PHF21B: variants seen among roughly 807,000 people sequenced by gnomAD.
PHF21B encodes PHD finger protein 4.
In PHF21B, 22 loss-of-function variants were observed where a neutral mutation model predicts 62.2. The observed-to-expected ratio is 0.35, with a 90% CI of 0.25 to 0.51. PHF21B has a LOEUF of 0.51. PHF21B is among the 20% of genes least tolerant of loss of function. PHF21B has a pLI of 0.97. For synonymous variants in PHF21B, 341 were observed against 314.7 expected, an observed-to-expected ratio of 1.08 and a Z score of -0.88; for missense variants, 701 against 707.9, an observed-to-expected ratio of 0.99 and a Z score of 0.11.
chr22:44,913,751 T>C (rs1455175478), intron 5 of PHF21B, 71 bp downstream of exon 5: 65 of 1,535,026 alleles, frequency 4.2e-5, no homozygotes, highest in Non-Finnish European at 5.2e-5. Context: ...CCATCCCCGC[T>C]ATACACAGCG....
chr22:45,009,727 C>T lies in PHF21B; in HGVS notation c.-178G>A. Reference sequence around the variant, plus strand: ...GGGGGCTGGCGAAGGGGAAGACAGGCTTCCGGGCGCCGCGGCGCCGAGCCC... The same window carrying T: ...GGGGGCTGGCGAAGGGGAAGACAGGTTTCCGGGCGCCGCGGCGCCGAGCCC... On this transcript the variant is annotated 5_prime_UTR_variant, in exon 1 of 13. Coordinates refer to ENST00000313237, the MANE Select transcript of PHF21B (RefSeq NM_138415.5). This position sits in a 1 kb window ranked among gnomAD's most constrained non-coding sequence, Gnocchi z 5.9. The T allele has an allele frequency of 1.9e-6, 1 of 527,862 alleles. No homozygotes were observed. The highest frequency in any genetic ancestry group is 3.1e-6 in the Non-Finnish European group (1 of 318,380). 32.7% of individuals were successfully genotyped at this position (527,862 alleles called of 1,614,324 possible).
intron 2 of PHF21B, among the ~76,000 whole-genome samples, chr22:44,972,154 T>TA (rs2072651067): frequency 6.6e-6 from 1 of 152,218 alleles, no homozygotes; most frequent in Non-Finnish European, 1.5e-5. Context: ...GAATGAGAGA[T>TA]AAAGGCTTGG....
At chr22:44,990,933 G>A (rs1182588066) in intron 2 of PHF21B, among the ~76,000 whole-genome samples, 2 of 152,242 alleles carry the variant, frequency 1.3e-5, no homozygotes, top group Non-Finnish European at 2.9e-5. Flanking sequence ...CGTGGCCAGG[G>A]GGAGCCCTGA....
intron 2 of PHF21B, among the ~76,000 whole-genome samples, chr22:44,966,261 A>G (rs2072522934): frequency 6.6e-6 from 1 of 152,230 alleles, no homozygotes; most frequent in Non-Finnish European, 1.5e-5. Flanking sequence ...CCACGCGACG[A>G]GCCCTGCTGC....
intron 5 of PHF21B, 26 bp downstream of exon 5, chr22:44,913,796 G>C: frequency 6.2e-7 from 1 of 1,602,462 alleles, no homozygotes; most frequent in Non-Finnish European, 8.5e-7. Flanking sequence ...AGCAGGGCCT[G>C]GGCCCTCCGG....
At chr22:44,917,523 G>C (rs1040438439) in intron 3 of PHF21B, among the ~76,000 whole-genome samples, 1 of 152,128 alleles carries the variant, frequency 6.6e-6, no homozygotes, top group Admixed American at 6.5e-5. Flanking sequence ...ATTATGCCTT[G>C]AGAGACAAGG....
chr22:44,910,172 C>T (rs2071320903), intron 5 of PHF21B, among the ~76,000 whole-genome samples: 1 of 152,116 alleles, frequency 6.6e-6, no homozygotes, highest in South Asian at 2.1e-4. Flanking sequence ...GCTGCAGGGG[C>T]CCAGGGGGTC....
chr22:45,004,675 T>C (rs949496503), intron 2 of PHF21B, among the ~76,000 whole-genome samples: 3 of 152,224 alleles, frequency 2.0e-5, no homozygotes, highest in African/African-American at 4.8e-5. Context: ...CTGCAAACAA[T>C]GTGGGGTGGG....
At chr22:44,997,162 A>G (rs575323080) in intron 2 of PHF21B, among the ~76,000 whole-genome samples, 1 of 152,276 alleles carries the variant, frequency 6.6e-6, no homozygotes, top group South Asian at 2.1e-4. Context: ...GGCTTCAGAC[A>G]CAGAGAGCTC....
At chr22:44,922,547 G>T (rs572490342) in intron 2 of PHF21B, among the ~76,000 whole-genome samples, 1 of 151,938 alleles carries the variant, frequency 6.6e-6, no homozygotes, top group Non-Finnish European at 1.5e-5. Flanking sequence ...CAGGAGAATC[G>T]CTTGAACCTG....
At chr22:44,958,054 T>C (rs113542363) in intron 2 of PHF21B, among the ~76,000 whole-genome samples, 1 of 152,170 alleles carries the variant, frequency 6.6e-6, no homozygotes, top group African/African-American at 2.4e-5. Flanking sequence ...AGGCATGTGC[T>C]ATCATGCCTG....
chr22:44,947,158 C>G (rs965698700), intron 2 of PHF21B, among the ~76,000 whole-genome samples: 1 of 152,242 alleles, frequency 6.6e-6, no homozygotes, highest in Admixed American at 6.5e-5. Flanking sequence ...GCCTTGCAGG[C>G]TGAGCTGTCC....
intron 2 of PHF21B, among the ~76,000 whole-genome samples, chr22:44,985,292 C>T (rs976137456): frequency 6.6e-5 from 10 of 152,212 alleles, no homozygotes; most frequent in Non-Finnish European, 1.5e-4. Context: ...ACAGAGAGGA[C>T]TTTCACTACC....
chr22:44,959,500 T>C (rs1448297879), intron 2 of PHF21B, among the ~76,000 whole-genome samples: 1 of 152,176 alleles, frequency 6.6e-6, no homozygotes, highest in East Asian at 1.9e-4. Flanking sequence ...AAGAAAAGTG[T>C]TTGTGCTCAG....
Position 44,983,358 on chromosome 22 carries a change from C to A in PHF21B, c.120+25187G>T, listed in dbSNP as rs1037320505. Among the ~76,000 whole-genome samples the A allele has an allele frequency of 5.9e-5, 9 of 152,264 alleles. 1 individual carries two copies. ...GCAGACATGTTGGCATGTTTGCTGC[C>A]GCTGGTGGCTCTTAGGGAGGTCCAG... On this transcript the variant is annotated intron_variant, in intron 2 of 12. Transcript: ENST00000313237.
chr22:44,980,530 G>C (rs1009967529), intron 2 of PHF21B, among the ~76,000 whole-genome samples: 5 of 152,216 alleles, frequency 3.3e-5, no homozygotes, highest in East Asian at 3.8e-4. Flanking sequence ...GTAAAACCCA[G>C]TGAAGGGGGT....
intron 3 of PHF21B, among the ~76,000 whole-genome samples, chr22:44,917,859 C>T (rs2071466556): frequency 2.0e-5 from 3 of 152,208 alleles, no homozygotes; most frequent in Non-Finnish European, 2.9e-5. Flanking sequence ...GACAGTATCA[C>T]GTCTGTCAGC....
chr22:44,917,009 G>T (rs2071448503), intron 3 of PHF21B, among the ~76,000 whole-genome samples: 1 of 152,246 alleles, frequency 6.6e-6, no homozygotes, highest in South Asian at 2.1e-4. Flanking sequence ...TGGAAGTCTG[G>T]AAAGCGCTGC....
intron 9 of PHF21B, among the ~76,000 whole-genome samples, chr22:44,889,344 G>A (rs2070919671): frequency 6.6e-6 from 1 of 152,224 alleles, no homozygotes; most frequent in Non-Finnish European, 1.5e-5. Context: ...GTGAGTCCCT[G>A]GGGATTAACA....
Sources: gnomAD v4.1 joint callset for allele counts (sites outside exome capture counted in the v4.1 genomes callset) on GRCh38, gnomAD v4.1.1 for gene constraint, Gnocchi (gnomAD v3.1) non-coding constraint, MANE v1.5 for transcripts, NCBI Gene and HGNC (gene_info 2026-07-23, HGNC 2026-07-21) for gene names.